The following TTC28 variants were observed in gnomAD, a reference collection of about 807,000 sequenced individuals.
TTC28 encodes tetratricopeptide repeat protein 28.
A neutral mutation model predicts 198.0 loss-of-function variants in TTC28; 61 were observed. The observed-to-expected ratio is 0.31, with a 90% CI of 0.25 to 0.38. The LOEUF is 0.38. Ranked by LOEUF, TTC28 falls within the 10% of genes least tolerant of loss-of-function variation. The pLI is 1.00. For synonymous variants in TTC28, 1,171 were observed against 1,297.8 expected (o/e 0.90, Z 2.10); for missense variants, 2,678 against 3,164.0 (o/e 0.85, Z 3.69).
chr22:28,427,454 C>T (rs2146191842), intron 2 of TTC28, among the ~76,000 whole-genome samples: 1 of 152,226 alleles, frequency 6.6e-6, no homozygotes, highest in African/African-American at 2.4e-5. Flanking sequence ...AGTTCGACAC[C>T]AACCTGCCTA....
At chr22:27,996,038 C>A (rs1160092876) in intron 17 of TTC28, 97 bp downstream of exon 17, 5 of 1,468,630 alleles carry the variant, frequency 3.4e-6, no homozygotes, top group Non-Finnish European at 4.5e-6. Context: ...GGTGTCCTCT[C>A]CAACTGCTCA....
intron 2 of TTC28, among the ~76,000 whole-genome samples, chr22:28,351,655 G>A (rs1601674870): frequency 1.3e-5 from 2 of 152,172 alleles, no homozygotes; most frequent in East Asian, 1.9e-4. Context: ...AAGCTGAAGA[G>A]CAGAAAAATG....
intron 2 of TTC28, among the ~76,000 whole-genome samples, chr22:28,490,889 C>T (rs1290847920): frequency 6.6e-6 from 1 of 152,178 alleles, no homozygotes; most frequent in Non-Finnish European, 1.5e-5. Context: ...CCATTATATA[C>T]TATGCACTTA....
chr22:28,387,721 G>T (rs1365631754), intron 2 of TTC28, among the ~76,000 whole-genome samples: 7 of 152,158 alleles, frequency 4.6e-5, no homozygotes, highest in African/African-American at 1.4e-4. Flanking sequence ...TTTGTTTGAG[G>T]TCATTGTAGA....
At chr22:28,257,328 T>G (rs134193) in intron 5 of TTC28, among the ~76,000 whole-genome samples, 66,646 of 151,956 alleles carry the variant, frequency 0.44, 14,827 homozygotes, top group East Asian at 0.54. Flanking sequence ...CTATTCACAG[T>G]AGCCAAAATA....
intron 12 of TTC28, among the ~76,000 whole-genome samples, chr22:28,050,842 T>C (rs2146703779): frequency 6.6e-6 from 1 of 152,324 alleles, no homozygotes; most frequent in East Asian, 1.9e-4. Flanking sequence ...CTCAGAGTTG[T>C]TATAAATACA....
intron 2 of TTC28, among the ~76,000 whole-genome samples, chr22:28,613,147 G>A (rs2050847936): frequency 6.6e-6 from 1 of 151,506 alleles, no homozygotes; most frequent in East Asian, 1.9e-4. Flanking sequence ...ATTGATAAAG[G>A]GGATATCATC....
intron 5 of TTC28, among the ~76,000 whole-genome samples, chr22:28,202,258 C>T (rs981944524): frequency 2.6e-5 from 4 of 151,984 alleles, no homozygotes; most frequent in African/African-American, 9.7e-5. Flanking sequence ...GAAACAAGGC[C>T]GGGTGCAGTG....
intron 2 of TTC28, among the ~76,000 whole-genome samples, chr22:28,341,738 C>T (rs554461805): frequency 1.9e-4 from 29 of 151,948 alleles, no homozygotes; most frequent in African/African-American, 7.0e-4. Context: ...TGCTATGAAC[C>T]GAGATTGTGC....
chr22:28,025,746 TG>T (rs1938805710), intron 13 of TTC28, among the ~76,000 whole-genome samples: 1 of 152,210 alleles, frequency 6.6e-6, no homozygotes, highest in African/African-American at 2.4e-5. Context: ...GGTGTGCACC[TG>T]TGGTCCCTGT....
At chr22:28,445,719 G>A (rs1322662604) in intron 2 of TTC28, among the ~76,000 whole-genome samples, 1 of 152,016 alleles carries the variant, frequency 6.6e-6, no homozygotes, top group African/African-American at 2.4e-5. Flanking sequence ...GTCCCTTCAG[G>A]AGTCTATTCA....
At chr22:28,113,915 CTG>C (rs1382265455) in intron 6 of TTC28, among the ~76,000 whole-genome samples, 2 of 152,186 alleles carry the variant, frequency 1.3e-5, no homozygotes, top group Non-Finnish European at 2.9e-5. Context: ...GATCAGGAAA[CTG>C]TTCCTTGCAG....
chr22:27,990,702 C>T (rs1481236083), intron 20 of TTC28, 87 bp downstream of exon 20: 6 of 1,367,090 alleles, frequency 4.4e-6, no homozygotes, highest in South Asian at 2.7e-5. Context: ...ACGTGCACCC[C>T]GAGCTCAGAG....
At chr22:28,605,231 C>G (rs1741206650) in intron 2 of TTC28, among the ~76,000 whole-genome samples, 1 of 152,156 alleles carries the variant, frequency 6.6e-6, no homozygotes, top group Admixed American at 6.5e-5. Flanking sequence ...TGTAACATTA[C>G]TTTAGGCTAA....
chr22:28,285,730 T>G (rs1346568582), intron 5 of TTC28, among the ~76,000 whole-genome samples: 2 of 152,198 alleles, frequency 1.3e-5, no homozygotes, highest in Non-Finnish European at 2.9e-5. Flanking sequence ...TGAATAAAAT[T>G]TTTTAAATAA....
At chr22:28,035,112 A>T (rs1406863154) in intron 12 of TTC28, among the ~76,000 whole-genome samples, 1 of 152,154 alleles carries the variant, frequency 6.6e-6, no homozygotes, top group East Asian at 1.9e-4. Flanking sequence ...TGACAGTTGC[A>T]ACTGAAGCTC....
chr22:28,191,709 G>A (rs910947191), intron 5 of TTC28, among the ~76,000 whole-genome samples: 7 of 152,196 alleles, frequency 4.6e-5, no homozygotes, highest in African/African-American at 1.7e-4. Flanking sequence ...AGCAGTCTGA[G>A]ATCAAATTGC....
chr22:28,016,983 G>A lies in TTC28; in HGVS notation c.4074-2591C>T, dbSNP rs146743807. On this transcript the variant is annotated intron_variant, in intron 13 of 22. Coordinates refer to ENST00000397906, the MANE Select transcript of TTC28 (RefSeq NM_001145418.2). Reference sequence around the variant, plus strand: ...CAGGGAAAGGCTGGAGTCTGATGCCGGCCAGCAATTCAAAAGAGGAAAATG... The same window carrying A: ...CAGGGAAAGGCTGGAGTCTGATGCCAGCCAGCAATTCAAAAGAGGAAAATG... Among the ~76,000 whole-genome samples the A allele has an allele frequency of 5.4e-3, 826 of 152,334 alleles. 7 individuals are homozygous for A. The highest frequency in any genetic ancestry group is 0.019 in the African/African-American group (794 of 41,572).
chr22:27,993,010 C>G, intron 18 of TTC28: 1 of 566,866 alleles, frequency 1.8e-6, no homozygotes, highest in Non-Finnish European at 3.1e-6. Context: ...GCAGTAGTGG[C>G]CAGTGTCTGC....
Sources: allele counts gnomAD v4.1 joint callset (sites outside exome capture counted in the v4.1 genomes callset), GRCh38; gene constraint gnomAD v4.1.1; transcripts MANE v1.5; gene names NCBI Gene and HGNC (gene_info 2026-07-23, HGNC 2026-07-21).